The following ATAD3C variants were observed in gnomAD, a reference collection of about 807,000 sequenced individuals.
ATAD3C encodes ATPase family AAA domain-containing protein 3C.
Under a neutral mutation model 46.3 loss-of-function variants are expected in ATAD3C, and 38 were observed. That is an observed-to-expected ratio of 0.82 (90% CI 0.63 to 1.08). The LOEUF is 1.08. ATAD3C is among the 50% of genes least tolerant of loss of function. ATAD3C has a pLI of 0.00. For synonymous variants in ATAD3C, 220 were observed against 236.4 expected (o/e 0.93, Z 0.63); for missense variants, 563 against 572.7 (o/e 0.98, Z 0.17).
At chr1:1,456,995 A>G (rs1638972219) in intron 7 of ATAD3C, 134 bp from the exon 8 acceptor site, 15 of 1,252,960 alleles carry the variant, frequency 1.2e-5, no homozygotes, top group Admixed American at 5.5e-5. Context: ...CAGGTCCAGG[A>G]CTTAGGGCTC....
At chr1:1,461,435 G>A (rs1162990100) in intron 10 of ATAD3C, among the ~76,000 whole-genome samples, 1 of 151,954 alleles carries the variant, frequency 6.6e-6, no homozygotes, top group African/African-American at 2.4e-5. Context: ...TGATCCGCCC[G>A]CTTCAGCCTC....
At chr1:1,454,662 C>CTT (rs1638922731) in intron 4 of ATAD3C, among the ~76,000 whole-genome samples, 162 bp downstream of exon 4, 1 of 150,810 alleles carries the variant, frequency 6.6e-6, no homozygotes, top group Non-Finnish European at 1.5e-5. Flanking sequence ...GGCGCTGTAC[C>CTT]TTAGGGGTCT....
chr1:1,452,464 G>A (rs773798707), intron 3 of ATAD3C, 30 bp downstream of exon 3: 4 of 1,613,348 alleles, frequency 2.5e-6, no homozygotes, highest in East Asian at 4.5e-5. Context: ...AGGGCTGGCA[G>A]GTGGCTGAGG....
At chr1:1,451,696 T>C (rs1182081336) in intron 1 of ATAD3C, among the ~76,000 whole-genome samples, 2 of 152,030 alleles carry the variant, frequency 1.3e-5, no homozygotes, top group African/African-American at 4.8e-5. Context: ...TTGCCTGTTG[T>C]GGGCATTGTA....
intron 4 of ATAD3C, among the ~76,000 whole-genome samples, chr1:1,454,939 G>A (rs946435562): frequency 1.3e-5 from 2 of 151,904 alleles, no homozygotes; most frequent in African/African-American, 4.8e-5. Flanking sequence ...AAGCTGGCCG[G>A]GCGTGGTGGC....
intron 4 of ATAD3C, 130 bp from the exon 5 acceptor site, chr1:1,455,330 C>T (rs1638937704): frequency 7.3e-7 from 1 of 1,368,252 alleles, no homozygotes. Context: ...GGCGGGGTTC[C>T]AGCTCCAGGC....
At chr1:1,468,297 G>A in intron 11 of ATAD3C, 87 bp from the exon 12 acceptor site, 2 of 1,499,646 alleles carry the variant, frequency 1.3e-6, no homozygotes, top group South Asian at 1.3e-5. Flanking sequence ...CCCCTGGTTT[G>A]GTCCCTCCCC....
intron 5 of ATAD3C, 64 bp from the exon 6 acceptor site, chr1:1,455,727 C>G (rs1156609703): frequency 1.2e-6 from 2 of 1,602,034 alleles, no homozygotes; most frequent in African/African-American, 1.3e-5. Flanking sequence ...ATTCTCGCAG[C>G]CCCTGCCCCC....
At chr1:1,463,513 G>A (rs1035759442) in intron 11 of ATAD3C, among the ~76,000 whole-genome samples, 1 of 151,990 alleles carries the variant, frequency 6.6e-6, no homozygotes, top group Non-Finnish European at 1.5e-5. Context: ...GGGTTATGCC[G>A]CTGTGACAAA....
rs191778618 is a variant in ATAD3C, at chr1:1,464,242, G to C, written c.1089+1534G>C. 2.5e-3 allele frequency among the ~76,000 whole-genome samples: 373 copies of C among 151,220 alleles called. 3 individuals are homozygous for C. Among genetic ancestry groups the C allele is most frequent in the African/African-American group, 8.6e-3 (353 of 41,230 alleles). ...AAAAAGAACAGGAGTGTGGTCGACT[G>C]CTGGGCCTGCCATAACCACTGGGGC... On this transcript the variant is annotated intron_variant, in intron 11 of 11. Transcript: ENST00000378785.
chr1:1,450,802 G>C (rs1334051996), intron 1 of ATAD3C, 44 bp downstream of exon 1: 1 of 1,608,874 alleles, frequency 6.2e-7, no homozygotes, highest in South Asian at 1.1e-5. Flanking sequence ...GCACACATGG[G>C]GTTCGGGCGT....
chr1:1,466,535 CAA>C (rs35433084), intron 11 of ATAD3C, among the ~76,000 whole-genome samples: 139 of 70,292 alleles, frequency 2.0e-3, no homozygotes, highest in African/African-American at 4.5e-3. Context: ...GATGTCATCT[CAA>C]AAAAAAAAAA....
At chr1:1,456,773 G>A (rs948792096) in intron 7 of ATAD3C, among the ~76,000 whole-genome samples, 15 of 150,880 alleles carry the variant, frequency 9.9e-5, no homozygotes, top group South Asian at 2.1e-4. Flanking sequence ...GTGACCCCGC[G>A]CAGGGCACAG....
intron 7 of ATAD3C, 59 bp from the exon 8 acceptor site, chr1:1,457,070 C>A: frequency 6.2e-7 from 1 of 1,608,798 alleles, no homozygotes; most frequent in Non-Finnish European, 8.5e-7. Context: ...TGGCCGGACG[C>A]CGCTGTGGGC....
At chr1:1,455,550 G>C (rs191626050) in intron 5 of ATAD3C, 31 bp downstream of exon 5, 5 of 1,611,750 alleles carry the variant, frequency 3.1e-6, no homozygotes, top group Non-Finnish European at 4.2e-6. Flanking sequence ...CCGGGGAGGC[G>C]CAGGGAGGGG....
At chr1:1,461,881 C>T (rs369833413) in intron 10 of ATAD3C, among the ~76,000 whole-genome samples, 5 of 152,056 alleles carry the variant, frequency 3.3e-5, no homozygotes, top group Admixed American at 3.3e-4. Context: ...TCCTGCTGCA[C>T]ATGTGCCTTG....
chr1:1,461,345 G>A (rs1337129292), intron 10 of ATAD3C, among the ~76,000 whole-genome samples: 2 of 149,810 alleles, frequency 1.3e-5, no homozygotes, highest in Non-Finnish European at 2.9e-5. Flanking sequence ...CCACGACCAC[G>A]TCTGGCTACT....
At position 1,462,804 on chromosome 1, in the gene ATAD3C, G is replaced by T; in HGVS notation, c.1089+96G>T. 1 of 1,414,086 alleles carries T rather than the reference G, an allele frequency of 7.1e-7. No homozygotes were observed. The highest frequency in any genetic ancestry group is 9.6e-7 in the Non-Finnish European group (1 of 1,037,282). 87.6% of individuals were successfully genotyped at this position (1,414,086 alleles called of 1,614,324 possible). A position where few individuals can be genotyped will look rare whatever the true frequency, so the allele number is the denominator to read the frequency against. ...CCTGTCCCAGCACCGGTGTCACGTG[G>T]GAGCTTCTGTTGAGGGGTTTTCAGT... On this transcript the variant is annotated intron_variant, in intron 11 of 11. Coordinates refer to ENST00000378785, the MANE Select transcript of ATAD3C (RefSeq NM_001039211.3). The surrounding 1 kb of genome is among the most constrained non-coding windows in gnomAD (Gnocchi z 4.5).
intron 11 of ATAD3C, among the ~76,000 whole-genome samples, chr1:1,463,728 A>G (rs1285000060): frequency 6.6e-6 from 1 of 151,596 alleles, no homozygotes; most frequent in Non-Finnish European, 1.5e-5. Context: ...CTGGAAAGCA[A>G]GTCAAGAACC....
Sources: gnomAD v4.1 joint callset for allele counts (sites outside exome capture counted in the v4.1 genomes callset) on GRCh38, gnomAD v4.1.1 for gene constraint, Gnocchi (gnomAD v3.1) non-coding constraint, MANE v1.5 for transcripts, NCBI Gene and HGNC (gene_info 2026-07-23, HGNC 2026-07-21) for gene names.